The following CD163L1 variants were observed in gnomAD, a reference collection of about 807,000 sequenced individuals.
The protein encoded by CD163L1 is scavenger receptor cysteine-rich type 1 protein M160.
In CD163L1, 124 loss-of-function variants were observed where a neutral mutation model predicts 165.4. The observed-to-expected ratio is 0.75, with a 90% CI of 0.65 to 0.87. The LOEUF (loss-of-function observed/expected upper bound fraction) is 0.87. CD163L1 is among the 40% of genes least tolerant of loss of function. The pLI is 0.00. For synonymous variants in CD163L1, 585 were observed against 662.2 expected (o/e 0.88, Z 1.79); for missense variants, 1,525 against 1,799.9 (o/e 0.85, Z 2.76).
rs1946797311 is a variant in CD163L1, at chr12:7,357,290, T to C, written c.*24+90A>G. The C allele has an allele frequency of 1.6e-5, 12 of 753,586 alleles. No homozygotes were observed. The South Asian group carries it at 2.0e-4, about 13-fold the overall frequency. The allele number at this position is 753,586 out of a possible 1,614,324, so 46.7% of individuals were successfully genotyped here. ...TATGAACCAGTGACATAATATATGG[T>C]AATATAAATATTGGAAAAAATGTAT... On this transcript the variant is annotated intron_variant, in intron 19 of 19. Transcript: ENST00000313599.
In CD163L1 at chr12:7,374,895, G is replaced by A; in HGVS notation, c.3030C>T (p.Cys1010=). The change falls in exon 12 of 20, where the codon TGC becomes TGT. Residue 1010 remains cysteine, a synonymous_variant. Transcript: ENST00000313599. This position sits in a 1 kb window ranked among gnomAD's most constrained non-coding sequence, Gnocchi z 5.4. ...AATATGGGTCAGATACATTTGCGAG[G>A]CATGGAAACAGTGGCTGGGTCAGGC... ...TGSLTQPLFP[C]LANVSDPYLS... 2.5e-6 allele frequency: 4 copies of A among 1,614,126 alleles called. No homozygotes were observed. The highest frequency in any genetic ancestry group is 3.4e-6 in the Non-Finnish European group (4 of 1,179,966).
At position 7,421,499 on chromosome 12, in the gene CD163L1, G is replaced by GTATATA. The variant is rs1948410060; in HGVS notation, c.766+10916_766+10917insTATATA. ...CATATATGTACATATATACATATAT[G>GTATATA]TACATATACATATACATATATGTAC... On this transcript the variant is annotated intron_variant, in intron 4 of 19. Coordinates refer to ENST00000313599, the MANE Select transcript of CD163L1 (RefSeq NM_174941.6). Among the ~76,000 whole-genome samples the GTATATA allele has an allele frequency of 4.5e-5, 4 of 88,520 alleles. 1 individual carries two copies. Among genetic ancestry groups the GTATATA allele is most frequent in the South Asian group, 7.3e-4 (2 of 2,752 alleles). The allele number at this position is 88,520 out of a possible 152,430, so 58.1% of individuals were successfully genotyped here. A position where few individuals can be genotyped will look rare whatever the true frequency, so the allele number is the denominator to read the frequency against.
At chr12:7,421,944 G>A (rs766884425) in intron 4 of CD163L1, among the ~76,000 whole-genome samples, 1 of 152,084 alleles carries the variant, frequency 6.6e-6, no homozygotes, top group South Asian at 2.1e-4. Context: ...GCTCTGCTAA[G>A]GGAAAAACTG....
the CD163L1 span, among the ~76,000 whole-genome samples, chr12:7,320,477 C>T: frequency 6.6e-6 from 1 of 152,160 alleles, no homozygotes; most frequent in Non-Finnish European, 1.5e-5. Flanking sequence ...AAGCAATTCA[C>T]TTGTTGAATT....
chr12:7,443,638 C>G (rs762204814), intron 1 of CD163L1, among the ~76,000 whole-genome samples: 4 of 152,186 alleles, frequency 2.6e-5, no homozygotes, highest in Non-Finnish European at 4.4e-5. Context: ...TGAGATTCTA[C>G]TACATGACCT....
intron 4 of CD163L1, among the ~76,000 whole-genome samples, chr12:7,418,281 G>A (rs1156650474): frequency 1.3e-5 from 2 of 152,078 alleles, no homozygotes; most frequent in African/African-American, 4.8e-5. Context: ...GCTCCTGAAT[G>A]AGCATTGGGT....
downstream of CD163L1, among the ~76,000 whole-genome samples, chr12:7,344,931 C>G (rs1254783286): frequency 6.6e-6 from 1 of 152,210 alleles, no homozygotes; most frequent in Non-Finnish European, 1.5e-5. Context: ...GCAGTAGGCC[C>G]TGGGCCTGGC....
At position 7,375,392 on chromosome 12, in the gene CD163L1, C is replaced by G; in HGVS notation, c.2890G>C (p.Gly964Arg). The G allele has an allele frequency of 1.9e-6, 3 of 1,614,110 alleles. No individual in the cohort carries two copies. The highest frequency in any genetic ancestry group is 2.5e-6 in the Non-Finnish European group (3 of 1,180,018). The part of the protein sequence containing the change: ...YIGERSVRVW[G>R]HRFHCLGNES... Reference sequence around the variant, plus strand: ...TTCCCTAAGCAATGAAACCTGTGTCCCCACACACGAACACTTCTTTCTCCA... The same window carrying G: ...TTCCCTAAGCAATGAAACCTGTGTCGCCACACACGAACACTTCTTTCTCCA... The change falls in exon 11 of 20, where the codon GGA becomes CGA. Residue 964 changes from glycine to arginine, a missense_variant. Gly to Arg is a moderately radical substitution (Grantham distance 125). Transcript: ENST00000313599.
Position 7,357,445 on chromosome 12 carries a change from ATG to A in CD163L1, c.4319_4320del (p.Thr1440IlefsTer10). On this transcript the variant is annotated frameshift_variant, in exon 19 of 20. Coordinates refer to ENST00000313599, the MANE Select transcript of CD163L1 (RefSeq NM_174941.6). LOFTEE classifies it high-confidence loss of function. ...GAGGCAGGAAGAACTCCCAACAGCG[ATG>A]TGTCGCTAGCATCTTCACAACCATG... is the stretch of plus-strand genomic sequence containing the variant. ...PNHGCEDASD[T>X]SLLGVLPASE... 6.2e-7 allele frequency: 1 copy of A among 1,612,754 alleles called. No homozygotes were observed. The highest frequency in any genetic ancestry group is 8.5e-7 in the Non-Finnish European group (1 of 1,179,124).
chr12:7,427,109 T>G (rs1043353680), intron 4 of CD163L1, among the ~76,000 whole-genome samples: 1 of 152,102 alleles, frequency 6.6e-6, no homozygotes. Context: ...AGTAGGGATT[T>G]TAATACTCCA....
intron 8 of CD163L1, among the ~76,000 whole-genome samples, chr12:7,383,199 C>T (rs1947448730): frequency 6.6e-6 from 1 of 152,138 alleles, no homozygotes; most frequent in Admixed American, 6.5e-5. Flanking sequence ...TGGAAATTGC[C>T]CTATTCCACT....
intron 8 of CD163L1, among the ~76,000 whole-genome samples, chr12:7,389,126 T>C (rs1947588044): frequency 6.6e-6 from 1 of 152,174 alleles, no homozygotes; most frequent in African/African-American, 2.4e-5. Context: ...TACCCAGCAA[T>C]AGGATTGCTG....
At chr12:7,389,814 T>A (rs991849463) in intron 8 of CD163L1, among the ~76,000 whole-genome samples, 16 of 151,624 alleles carry the variant, frequency 1.1e-4, no homozygotes, top group African/African-American at 2.9e-4. Flanking sequence ...CAGACATTTT[T>A]AAAAATAATT....
At chr12:7,323,468 G>A in the CD163L1 span, 2 of 1,613,808 alleles carry the variant, frequency 1.2e-6, no homozygotes, top group Non-Finnish European at 1.7e-6. Flanking sequence ...GATTATAGAT[G>A]AAAATGGCAA....
rs763444797 is a variant in CD163L1, at chr12:7,375,977, G to A, written c.2409C>T (p.Pro803=). 3 of 1,614,064 alleles carry A rather than the reference G, an allele frequency of 1.9e-6. No homozygotes were observed. The African/African-American group carries it at 4.0e-5, about 22-fold the overall frequency. ...RQPRLVGADM[P]CSGRVEVKHA... is the part of the protein sequence containing the mutation. Reference sequence around the variant, plus strand: ...GTTTCACTTCAACACGTCCAGAGCAGGGCATATCAGCTCCAACCAGCCTGG... The same window carrying A: ...GTTTCACTTCAACACGTCCAGAGCAAGGCATATCAGCTCCAACCAGCCTGG... Residue 803 remains proline, a synonymous_variant, in exon 10 of 20, where the codon CCC becomes CCT. Coordinates refer to ENST00000313599, the MANE Select transcript of CD163L1 (RefSeq NM_174941.6).
intron 4 of CD163L1, among the ~76,000 whole-genome samples, chr12:7,426,142 G>A (rs2136612691): frequency 6.6e-6 from 1 of 152,232 alleles, no homozygotes; most frequent in East Asian, 1.9e-4. Flanking sequence ...TTCTTTGCAG[G>A]GACATGGATG....
intron 8 of CD163L1, among the ~76,000 whole-genome samples, chr12:7,382,756 G>C (rs998055296): frequency 2.0e-5 from 3 of 152,152 alleles, no homozygotes; most frequent in African/African-American, 7.2e-5. Context: ...ACCATTTTGA[G>C]AGTCCAGCTC....
At chr12:7,328,110 A>ATAGTG in the CD163L1 span, among the ~76,000 whole-genome samples, 2 of 152,198 alleles carry the variant, frequency 1.3e-5, no homozygotes, top group African/African-American at 4.8e-5. Context: ...ATGGAGCTAC[A>ATAGTG]CTATCACCCT....
At chr12:7,423,506 G>GA (rs1009772102) in intron 4 of CD163L1, among the ~76,000 whole-genome samples, 1 of 151,500 alleles carries the variant, frequency 6.6e-6, no homozygotes, top group Non-Finnish European at 1.5e-5. Flanking sequence ...GACAGAGACA[G>GA]AAAAAAACCT....
Sources: allele counts gnomAD v4.1 joint callset (sites outside exome capture counted in the v4.1 genomes callset), GRCh38; gene constraint gnomAD v4.1.1; non-coding constraint Gnocchi (gnomAD v3.1); transcripts MANE v1.5; gene names NCBI Gene and HGNC (gene_info 2026-07-23, HGNC 2026-07-21).